The following PLPPR5 variants were observed in gnomAD, a reference collection of about 807,000 sequenced individuals.
The protein encoded by PLPPR5 is phospholipid phosphatase-related protein type 5.
In PLPPR5, 16 loss-of-function variants were observed where a neutral mutation model predicts 33.9. The ratio of observed to expected loss-of-function variants is 0.47; its 90% CI spans 0.32 to 0.72. The LOEUF is 0.72. Ranked by LOEUF, PLPPR5 falls within the 30% of genes least tolerant of loss-of-function variation. PLPPR5 has a pLI of 0.03. For synonymous variants in PLPPR5, 163 were observed against 150.3 expected, an observed-to-expected ratio of 1.08 and a Z score of -0.62; for missense variants, 301 against 406.7, an observed-to-expected ratio of 0.74 and a Z score of 2.23.
chr1:98,968,238 T>C (rs755429642), intron 1 of PLPPR5, among the ~76,000 whole-genome samples: 3 of 152,122 alleles, frequency 2.0e-5, no homozygotes, highest in Non-Finnish European at 4.4e-5. Flanking sequence ...TTTTAATATA[T>C]AAAGTCAATG....
At chr1:98,925,550 T>C (rs964186527) in intron 3 of PLPPR5, among the ~76,000 whole-genome samples, 7 of 152,198 alleles carry the variant, frequency 4.6e-5, no homozygotes, top group African/African-American at 1.7e-4. Flanking sequence ...CTTGTTTGCT[T>C]TTACTAAAAT....
At chr1:98,911,372 GA>G (rs1237426774) in intron 5 of PLPPR5, among the ~76,000 whole-genome samples, 1 of 151,974 alleles carries the variant, frequency 6.6e-6, no homozygotes, top group Non-Finnish European at 1.5e-5. Flanking sequence ...ATTAATAAAA[GA>G]AACATGCCAC....
chr1:98,954,373 T>C (rs993694883), intron 2 of PLPPR5, among the ~76,000 whole-genome samples: 8 of 152,150 alleles, frequency 5.3e-5, no homozygotes, highest in African/African-American at 1.7e-4. Flanking sequence ...TACTGATTTA[T>C]TAAAATGTCA....
intron 5 of PLPPR5, among the ~76,000 whole-genome samples, chr1:98,894,227 T>C (rs372269229): frequency 1.6e-4 from 24 of 152,114 alleles, no homozygotes; most frequent in African/African-American, 5.3e-4. Flanking sequence ...CCTGGTAACA[T>C]TTTAGAAACT....
rs772025213 is a variant in PLPPR5 at position 98,922,085 on chromosome 1, T to A, written c.622-27A>T. 13 of 1,603,916 alleles carry A rather than the reference T, an allele frequency of 8.1e-6. No individual in the cohort carries two copies. The South Asian group carries it at 1.4e-4, about 18-fold the overall frequency. On this transcript the variant is annotated intron_variant, in intron 3 of 5. Coordinates refer to ENST00000263177, the MANE Select transcript of PLPPR5 (RefSeq NM_001037317.2). ...TGAAACATTCAATAAAAAAAATGACTTTTCATGAAGGTATTTCCTTTATTA... is the reference window on the plus strand; with the variant it reads ...TGAAACATTCAATAAAAAAAATGACATTTCATGAAGGTATTTCCTTTATTA...
intron 5 of PLPPR5, among the ~76,000 whole-genome samples, chr1:98,896,842 T>A (rs938338261): frequency 8.6e-5 from 13 of 150,578 alleles, no homozygotes; most frequent in South Asian, 4.2e-4. Flanking sequence ...GTCTGTAATT[T>A]AAAAAAAAAA....
rs145109463 is a variant in PLPPR5, at chr1:98,960,025, C to T, written c.238-3284G>A. On this transcript the variant is annotated intron_variant, in intron 1 of 5. Coordinates refer to ENST00000263177, the MANE Select transcript of PLPPR5 (RefSeq NM_001037317.2). The stretch of plus-strand genomic sequence containing the variant: ...GACTTCATCTCATCAAATGCATATG[C>T]CTAGGTGTCTGCTTTCCTCCAAGGG... 2.6e-4 allele frequency among the ~76,000 whole-genome samples: 40 copies of T among 152,046 alleles called. No homozygotes were observed. The East Asian group carries it at 7.6e-3, about 29-fold the overall frequency.
chr1:98,898,870 A>T (rs944624903), intron 5 of PLPPR5, among the ~76,000 whole-genome samples: 3 of 152,124 alleles, frequency 2.0e-5, no homozygotes, highest in Non-Finnish European at 2.9e-5. Context: ...AAAGGAGCTA[A>T]CAGCTACCTT....
chr1:99,002,451 T>C (rs146718178), intron 1 of PLPPR5, among the ~76,000 whole-genome samples: 56 of 152,304 alleles, frequency 3.7e-4, no homozygotes, highest in Middle Eastern at 6.8e-3. Context: ...GGCATACAAA[T>C]GCCATACCCA....
chr1:98,939,592 C>A (rs1057305344), intron 3 of PLPPR5, among the ~76,000 whole-genome samples: 1 of 151,754 alleles, frequency 6.6e-6, no homozygotes, highest in Non-Finnish European at 1.5e-5. Context: ...GCAGGCAGGC[C>A]ACTGGCACGT....
At chr1:98,925,728 T>C (rs1455144470) in intron 3 of PLPPR5, among the ~76,000 whole-genome samples, 1 of 152,174 alleles carries the variant, frequency 6.6e-6, no homozygotes, top group Non-Finnish European at 1.5e-5. Flanking sequence ...AAGCACCTAC[T>C]ATGCATCAGA....
chr1:98,901,281 T>C (rs6679030), intron 5 of PLPPR5, among the ~76,000 whole-genome samples: 94,830 of 151,864 alleles, frequency 0.62, 29,916 homozygotes, highest in East Asian at 0.75. Context: ...CAGTGGTTTC[T>C]CGAAGTTGGA....
chr1:98,971,438 T>G (rs1001045635), intron 1 of PLPPR5, among the ~76,000 whole-genome samples: 1 of 152,060 alleles, frequency 6.6e-6, no homozygotes, highest in Admixed American at 6.6e-5. Context: ...CTCTTTCACA[T>G]ATAACTTACT....
intron 1 of PLPPR5, among the ~76,000 whole-genome samples, chr1:98,965,319 G>T (rs1049511676): frequency 6.6e-6 from 1 of 151,966 alleles, no homozygotes; most frequent in Non-Finnish European, 1.5e-5. Context: ...TCATCCCCTT[G>T]CTGGACATTA....
intron 4 of PLPPR5, among the ~76,000 whole-genome samples, chr1:98,921,447 C>T (rs1303330268): frequency 6.6e-6 from 1 of 152,166 alleles, no homozygotes; most frequent in East Asian, 1.9e-4. Flanking sequence ...AATACCCCAG[C>T]ATGCCAACTT....
At chr1:98,960,356 A>T (rs971513421) in intron 1 of PLPPR5, among the ~76,000 whole-genome samples, 1 of 151,942 alleles carries the variant, frequency 6.6e-6, no homozygotes, top group Non-Finnish European at 1.5e-5. Context: ...GGCACATGCC[A>T]CCACACCAGG....
At chr1:98,967,098 T>C (rs375965643) in intron 1 of PLPPR5, among the ~76,000 whole-genome samples, 9 of 152,172 alleles carry the variant, frequency 5.9e-5, no homozygotes, top group African/African-American at 1.9e-4. Context: ...TAGATACTGA[T>C]TCAAACAAAT....
chr1:98,999,964 G>A (rs1056416900), intron 1 of PLPPR5, among the ~76,000 whole-genome samples: 8 of 152,172 alleles, frequency 5.3e-5, no homozygotes, highest in Admixed American at 2.0e-4. Flanking sequence ...TGAAGATGGT[G>A]ATCTAGCTTC....
At chr1:98,953,406 T>C in intron 2 of PLPPR5, 86 bp from the exon 3 acceptor site, 1 of 1,486,436 alleles carries the variant, frequency 6.7e-7, no homozygotes, top group Non-Finnish European at 9.0e-7. Context: ...AATTTCAGTT[T>C]ACAATAAACC....
Sources: gnomAD v4.1 joint callset for allele counts (sites outside exome capture counted in the v4.1 genomes callset) on GRCh38, gnomAD v4.1.1 for gene constraint, MANE v1.5 for transcripts, NCBI Gene and HGNC (gene_info 2026-07-23, HGNC 2026-07-21) for gene names.